TCF4: variants seen among roughly 807,000 people sequenced by gnomAD.
The protein encoded by TCF4 is transcription factor 4.
Under a neutral mutation model 82.1 loss-of-function variants are expected in TCF4, and 3 were observed. The ratio of observed to expected loss-of-function variants is 0.04; its 90% CI spans 0.02 to 0.09. The LOEUF is 0.09. Among genes scored for constraint, TCF4 ranks in the 10% least tolerant of loss-of-function variants. The pLI, the probability that TCF4 is intolerant of heterozygous loss-of-function variation, is 1.00. For missense variants in TCF4, 518 were observed against 852.7 expected (o/e 0.61, Z 4.89); for synonymous variants, 276 against 309.6 (o/e 0.89, Z 1.14).
At chr18:55,274,670 C>T (rs1195142979) in intron 10 of TCF4, among the ~76,000 whole-genome samples, 1 of 152,158 alleles carries the variant, frequency 6.6e-6, no homozygotes, top group Non-Finnish European at 1.5e-5. Flanking sequence ...TAAGTATCAC[C>T]TGGGATCACT....
chr18:55,256,861 G>C (rs1251834517), intron 14 of TCF4, among the ~76,000 whole-genome samples: 1 of 152,120 alleles, frequency 6.6e-6, no homozygotes, highest in Non-Finnish European at 1.5e-5. Flanking sequence ...TGGAAGAGTA[G>C]GCATTTCTCT....
intron 3 of TCF4, among the ~76,000 whole-genome samples, chr18:55,520,109 A>T (rs2096920761): frequency 6.6e-6 from 1 of 152,186 alleles, no homozygotes; most frequent in Non-Finnish European, 1.5e-5. Flanking sequence ...CCTAAAATGA[A>T]TTTTTATTTC....
intron 3 of TCF4, among the ~76,000 whole-genome samples, chr18:55,494,157 G>GACACACACACACACACACACACACAC (rs3138626): frequency 1.0e-4 from 15 of 147,736 alleles, no homozygotes; most frequent in Non-Finnish European, 1.5e-4. Context: ...AAATATTATG[G>GACACACACACACACACACACACACAC]ACACACACAC....
At chr18:55,488,036 C>T (rs2096535532) in intron 3 of TCF4, among the ~76,000 whole-genome samples, 2 of 152,192 alleles carry the variant, frequency 1.3e-5, no homozygotes, top group Non-Finnish European at 2.9e-5. Flanking sequence ...TTACAAATAT[C>T]CATGGATGGC....
At chr18:55,433,979 C>T (rs1477656188) in intron 5 of TCF4, among the ~76,000 whole-genome samples, 1 of 152,130 alleles carries the variant, frequency 6.6e-6, no homozygotes, top group African/African-American at 2.4e-5. Flanking sequence ...TTCCTACCCA[C>T]TTGCAACTTT....
At chr18:55,235,272 A>T (rs1477875525) in intron 15 of TCF4, among the ~76,000 whole-genome samples, 1 of 152,124 alleles carries the variant, frequency 6.6e-6, no homozygotes, top group Non-Finnish European at 1.5e-5. Flanking sequence ...ATTCCAAATT[A>T]ATGTTTACTG....
At chr18:55,511,330 T>TAAA (rs751932079) in intron 3 of TCF4, among the ~76,000 whole-genome samples, 16,634 of 72,698 alleles carry the variant, frequency 0.23, 1,478 homozygotes, top group Middle Eastern at 0.29. Context: ...TTCCAAAAGT[T>TAAA]TAAAAAAAAA....
intron 6 of TCF4, among the ~76,000 whole-genome samples, chr18:55,376,207 T>G (rs2090701013): frequency 1.3e-5 from 2 of 151,886 alleles, no homozygotes; most frequent in Non-Finnish European, 2.9e-5. Flanking sequence ...TCTATTTTTA[T>G]TAGAGACAGG....
rs557392138 is a variant in TCF4, at chr18:55,294,929, C to T, written c.550-15273G>A. Among the ~76,000 whole-genome samples, 9 of 152,290 alleles carry T rather than the reference C, an allele frequency of 5.9e-5. No homozygotes were observed. In the South Asian group the frequency reaches 1.7e-3, roughly 28 times the overall value. ...CAAGAAATTATAACAAACCAAGAGT[C>T]AGTTTATGACTTTAATCTTCCTCCC... On this transcript the variant is annotated intron_variant, in intron 8 of 19. Transcript: ENST00000354452.
At chr18:55,372,995 T>C (rs2089740033) in intron 6 of TCF4, among the ~76,000 whole-genome samples, 1 of 152,104 alleles carries the variant, frequency 6.6e-6, no homozygotes. Flanking sequence ...AAGACCTTTT[T>C]TTAAGCAGCA....
intron 3 of TCF4, among the ~76,000 whole-genome samples, chr18:55,482,544 T>A (rs538170605): frequency 2.0e-4 from 30 of 152,260 alleles, no homozygotes; most frequent in African/African-American, 7.2e-4. Context: ...CAAGAACCAC[T>A]GGCATATTAA....
chr18:55,309,181 C>A (rs2071391218), intron 8 of TCF4, among the ~76,000 whole-genome samples: 1 of 152,046 alleles, frequency 6.6e-6, no homozygotes, highest in Non-Finnish European at 1.5e-5. Flanking sequence ...GGCATGATCA[C>A]AGCTTGCTGC....
intron 3 of TCF4, among the ~76,000 whole-genome samples, chr18:55,531,445 T>C (rs2097062131): frequency 6.6e-6 from 1 of 152,154 alleles, no homozygotes; most frequent in Non-Finnish European, 1.5e-5. Context: ...AGTTACCTTA[T>C]AAATCCCAAC....
At chr18:55,532,255 G>C (rs919008680) in intron 3 of TCF4, among the ~76,000 whole-genome samples, 2 of 152,128 alleles carry the variant, frequency 1.3e-5, no homozygotes, top group Admixed American at 1.3e-4. Context: ...ATTAAATATG[G>C]ATTAAGGAGT....
intron 3 of TCF4, among the ~76,000 whole-genome samples, chr18:55,565,777 A>T (rs888131167): frequency 6.6e-5 from 10 of 152,176 alleles, no homozygotes; most frequent in Non-Finnish European, 7.4e-5. Flanking sequence ...GCCAAAAAAA[A>T]AACCAGAATA....
chr18:55,325,285 T>C (rs552842761), intron 8 of TCF4, among the ~76,000 whole-genome samples: 10 of 152,150 alleles, frequency 6.6e-5, no homozygotes, highest in African/African-American at 2.2e-4. Flanking sequence ...CCTGAGAAAA[T>C]TGAGAAAAGA....
chr18:55,287,258 A>G (rs1454948603), intron 8 of TCF4, among the ~76,000 whole-genome samples: 1 of 152,202 alleles, frequency 6.6e-6, no homozygotes, highest in Non-Finnish European at 1.5e-5. Flanking sequence ...TGAGCATGTT[A>G]ATATATTTAG....
chr18:55,363,619 C>T (rs1373022193), intron 6 of TCF4, among the ~76,000 whole-genome samples: 3 of 152,068 alleles, frequency 2.0e-5, no homozygotes, highest in African/African-American at 7.2e-5. Context: ...TCCTGGCCAA[C>T]ACGGCGAAAC....
chr18:55,234,274 C>T, intron 16 of TCF4: 1 of 573,462 alleles, frequency 1.7e-6, no homozygotes, highest in Non-Finnish European at 3.1e-6. Context: ...GTGGAAATAG[C>T]TAAAATAAAA....
Sources: gnomAD v4.1 joint callset for allele counts (sites outside exome capture counted in the v4.1 genomes callset) on GRCh38, gnomAD v4.1.1 for gene constraint, MANE v1.5 for transcripts, NCBI Gene and HGNC (gene_info 2026-07-23, HGNC 2026-07-21) for gene names.